The following MINK1 variants were observed in gnomAD, a reference collection of about 807,000 sequenced individuals.
MINK1 encodes misshapen like kinase 1, also known as misshapen-like kinase 1.
Under a neutral mutation model 178.4 loss-of-function variants are expected in MINK1, and 46 were observed. That is an observed-to-expected ratio of 0.26 (90% CI 0.20 to 0.33). The LOEUF (loss-of-function observed/expected upper bound fraction) is 0.33, where lower values mean the gene tolerates loss of function less well. Among genes scored for constraint, MINK1 ranks in the 10% least tolerant of loss-of-function variants. The probability of loss-of-function intolerance (pLI) is 1.00; values close to 1 mark genes in which losing one functional copy is unlikely to be tolerated. For missense variants in MINK1, 1,366 were observed against 1,814.9 expected, an observed-to-expected ratio of 0.75 and a Z score of 4.49; for synonymous variants, 797 against 709.7, an observed-to-expected ratio of 1.12 and a Z score of -1.96.
Position 4,895,558 on chromosome 17 carries a change from G to A in MINK1, c.3229+65G>A. 1.9e-6 allele frequency: 3 copies of A among 1,550,840 alleles called. No homozygotes were observed. Among genetic ancestry groups the A allele is most frequent in the Non-Finnish European group, 2.6e-6 (3 of 1,145,046 alleles). ...CTCCTTGGCGCTGTCACCATCTTCT[G>A]CCTGGGAGGAGGGCAGGCACTGGAA... On this transcript the variant is annotated intron_variant, in intron 26 of 31. Transcript: ENST00000355280. The surrounding 1 kb of genome is among the most constrained non-coding windows in gnomAD (Gnocchi z 4.3).
In MINK1 at chr17:4,894,797, CCCT is replaced by C; in HGVS notation, c.2917+168_2917+170del. The C allele has an allele frequency of 1.6e-6, 1 of 644,000 alleles. No homozygotes were observed. Among genetic ancestry groups the C allele is most frequent in the Admixed American group, 2.8e-5 (1 of 35,518 alleles). The allele number at this position is 644,000 out of a possible 1,614,324, so 39.9% of individuals were successfully genotyped here. On this transcript the variant is annotated intron_variant, in intron 24 of 31. Transcript: ENST00000355280. The surrounding 1 kb of genome is among the most constrained non-coding windows in gnomAD (Gnocchi z 4.1). Reference sequence around the variant, plus strand: ...AGAGGCAAGGAAGAGCCTCTGAGACCCCTCCTTCCTGTCCCACAGGACAGGAAA... The same window carrying C: ...AGAGGCAAGGAAGAGCCTCTGAGACCCCTTCCTGTCCCACAGGACAGGAAA...
chr17:4,888,846 C>T (rs1028315854), intron 12 of MINK1, among the ~76,000 whole-genome samples: 6 of 151,718 alleles, frequency 4.0e-5, no homozygotes, highest in Admixed American at 2.6e-4. Flanking sequence ...TACAGGAATG[C>T]GCCACCACGC....
rs1486653403 is a variant in MINK1, at chr17:4,887,844, C to T, written c.1230+54C>T. 2.9e-6 allele frequency: 4 copies of T among 1,390,588 alleles called. No homozygotes were observed. The highest frequency in any genetic ancestry group is 3.3e-5 in the Admixed American group (1 of 30,514). The allele number at this position is 1,390,588 out of a possible 1,614,324, so 86.1% of individuals were successfully genotyped here. A position where few individuals can be genotyped will look rare whatever the true frequency, so the allele number is the denominator to read the frequency against. On this transcript the variant is annotated intron_variant, in intron 12 of 31. Coordinates refer to ENST00000355280, the MANE Select transcript of MINK1 (RefSeq NM_153827.5). This position sits in a 1 kb window ranked among gnomAD's most constrained non-coding sequence, Gnocchi z 7.6. The stretch of plus-strand genomic sequence containing the variant: ...GGCGCGGCCTCCTCCTGACCTGCCC[C>T]GGGTCCATTAGGGCCTTGGAGAACA...
At chr17:4,874,977 C>T (rs1967049332) in intron 1 of MINK1, 1 of 500,464 alleles carries the variant, frequency 2.0e-6, no homozygotes, top group South Asian at 1.4e-5. Context: ...TCTAACAGGC[C>T]CACGGTATTT....
chr17:4,848,626 C>T (rs1911424953), intron 1 of MINK1, among the ~76,000 whole-genome samples: 1 of 152,194 alleles, frequency 6.6e-6, no homozygotes, highest in Non-Finnish European at 1.5e-5. Context: ...TCCCAAAGTG[C>T]TGGGATTACA....
At chr17:4,861,088 A>T (rs751942630) in intron 1 of MINK1, among the ~76,000 whole-genome samples, 1 of 152,082 alleles carries the variant, frequency 6.6e-6, no homozygotes, top group Non-Finnish European at 1.5e-5. Context: ...CTGGCGTTGA[A>T]TCATTAAATC....
intron 1 of MINK1, chr17:4,857,126 G>A (rs1260848127): frequency 4.0e-6 from 1 of 253,042 alleles, no homozygotes; most frequent in Non-Finnish European, 8.0e-6. Flanking sequence ...TATAGAGACT[G>A]TTGTCATCAT....
intron 1 of MINK1, among the ~76,000 whole-genome samples, chr17:4,869,515 G>GTTTATTTATTTATTTATTTATTTATTT (rs1915576797): frequency 6.6e-6 from 1 of 151,776 alleles, no homozygotes; most frequent in Admixed American, 6.6e-5. Flanking sequence ...GGGCTCAAGT[G>GTTTATTTATTTATTTATTTATTTATTT]ATCCTCCTGC....
chr17:4,863,941 A>C (rs1384070425), intron 1 of MINK1, among the ~76,000 whole-genome samples: 1 of 152,014 alleles, frequency 6.6e-6, no homozygotes, highest in Non-Finnish European at 1.5e-5. Context: ...CGTGTGTGCC[A>C]CCACGCCCAG....
chr17:4,889,584 T>C (rs1486294827), intron 12 of MINK1, 63 bp from the exon 13 acceptor site: 3 of 1,332,008 alleles, frequency 2.3e-6, no homozygotes, highest in African/African-American at 1.4e-5. Flanking sequence ...TCCCTGTCCA[T>C]GGAGGGGCAG....
chr17:4,866,733 C>T (rs1013636738), intron 1 of MINK1, among the ~76,000 whole-genome samples: 3 of 152,106 alleles, frequency 2.0e-5, no homozygotes. Flanking sequence ...GATTCTGGCA[C>T]TGCACTCCAG....
rs1357770779 is a variant in MINK1 at position 4,833,405 on chromosome 17, T to C, written c.-179T>C. 15 of 540,338 alleles carry C rather than the reference T, an allele frequency of 2.8e-5. No individual in the cohort carries two copies. The South Asian group carries it at 3.1e-4, about 11-fold the overall frequency. 33.5% of individuals were successfully genotyped at this position (540,338 alleles called of 1,614,324 possible). ...GCTCGGGTGGCTGGCTCCGGGGAGA[T>C]AGCGCCTGTCAGTCGGTGGGTCGGT... On this transcript the variant is annotated 5_prime_UTR_variant, in exon 1 of 32. Coordinates refer to ENST00000355280, the MANE Select transcript of MINK1 (RefSeq NM_153827.5). The surrounding 1 kb of genome is among the most constrained non-coding windows in gnomAD (Gnocchi z 4.8).
At chr17:4,861,807 A>G (rs2150889728) in intron 1 of MINK1, 1 of 159,040 alleles carries the variant, frequency 6.3e-6, no homozygotes, top group African/African-American at 2.4e-5. Context: ...GCCCAACCAA[A>G]GATTTTACAC....
intron 1 of MINK1, among the ~76,000 whole-genome samples, chr17:4,870,731 A>C (rs1915762502): frequency 6.6e-6 from 1 of 152,112 alleles, no homozygotes; most frequent in Admixed American, 6.6e-5. Context: ...AGTTTGAGGC[A>C]GGAGGATTGC....
chr17:4,875,737 A>G (rs369862569), intron 1 of MINK1, among the ~76,000 whole-genome samples: 5 of 151,736 alleles, frequency 3.3e-5, no homozygotes, highest in African/African-American at 7.2e-5. Context: ...GTGCCATTGC[A>G]CTCCAGCTGG....
intron 1 of MINK1, among the ~76,000 whole-genome samples, chr17:4,876,087 G>A (rs1223213415): frequency 1.3e-5 from 2 of 151,990 alleles, no homozygotes; most frequent in South Asian, 4.2e-4. Context: ...GAGCCACCGC[G>A]CCCGGCCAAG....
rs747845720 is a variant in MINK1 at position 4,887,618 on chromosome 17, G to A, written c.1058G>A (p.Arg353Gln). 13 of 1,565,122 alleles carry A rather than the reference G, an allele frequency of 8.3e-6. No homozygotes were observed. The highest frequency in any genetic ancestry group is 7.9e-5 in the Admixed American group (4 of 50,944). Residue 353 changes from arginine to glutamine, a missense_variant, in exon 12 of 32, where the codon CGG (arginine) becomes CAG (glutamine). By Grantham distance (43) the Arg-to-Gln change is conservative. Transcript: ENST00000355280. This position sits in a 1 kb window ranked among gnomAD's most constrained non-coding sequence, Gnocchi z 7.6. ...GTGCCTGGAGAGTCGACTCTACGCC[G>A]GGAGTTTCTCCGGCTCCAGCAGGAA... ...MNVPGESTLR[R>Q]EFLRLQQENK...
chr17:4,894,245 G>A lies in MINK1; in HGVS notation c.2742G>A (p.Gln914=). The change falls in exon 23 of 32, where the codon CAG becomes CAA. Residue 914 remains glutamine, a synonymous_variant. Coordinates refer to ENST00000355280, the MANE Select transcript of MINK1 (RefSeq NM_153827.5). This position sits in a 1 kb window ranked among gnomAD's most constrained non-coding sequence, Gnocchi z 4.1. ...ACACAAACCTGCCTGACGTGGTCCA[G>A]CCCAGCCACTCACCCACCGAGAACA... is the stretch of plus-strand genomic sequence containing the variant. The part of the protein sequence containing the change: ...NGYTNLPDVV[Q]PSHSPTENSK... The A allele has an allele frequency of 6.2e-7, 1 of 1,610,818 alleles. No individual in the cohort carries two copies.
rs1908885449 is a variant in MINK1 at position 4,833,960 on chromosome 17, C to T, written c.57+320C>T. Among the ~76,000 whole-genome samples, 1 of 152,210 alleles carries T rather than the reference C, an allele frequency of 6.6e-6. No homozygotes were observed. Among genetic ancestry groups the T allele is most frequent in the Admixed American group, 6.5e-5 (1 of 15,282 alleles). ...GCCTAAACTTAGCCTCCCCCATCAC[C>T]TGGAGAACCTTTATTGTGGTTCCTT... is the stretch of plus-strand genomic sequence containing the variant. On this transcript the variant is annotated intron_variant, in intron 1 of 31. Coordinates refer to ENST00000355280, the MANE Select transcript of MINK1 (RefSeq NM_153827.5). The surrounding 1 kb of genome is among the most constrained non-coding windows in gnomAD (Gnocchi z 4.8).
Sources: allele counts gnomAD v4.1 joint callset (sites outside exome capture counted in the v4.1 genomes callset), GRCh38; gene constraint gnomAD v4.1.1; non-coding constraint Gnocchi (gnomAD v3.1); transcripts MANE v1.5; gene names NCBI Gene and HGNC (gene_info 2026-07-23, HGNC 2026-07-21).